Variants in OBI1 observed in about 807,000 individuals in gnomAD.
OBI1 encodes ORC ubiquitin ligase 1, also known as ring finger protein 219.
Under a neutral mutation model 62.4 loss-of-function variants are expected in OBI1, and 59 were observed. The ratio of observed to expected loss-of-function variants is 0.95; its 90% CI spans 0.77 to 1.17. The LOEUF is 1.17. Ranked by LOEUF, OBI1 falls within the 50% of genes most tolerant of loss-of-function variation. The pLI is 0.00. For synonymous variants in OBI1, 302 were observed against 292.8 expected (o/e 1.03, Z -0.32); for missense variants, 875 against 830.9 (o/e 1.05, Z -0.65).
At chr13:78,649,170 A>G (rs1431210038) in intron 1 of OBI1, among the ~76,000 whole-genome samples, 1 of 152,224 alleles carries the variant, frequency 6.6e-6, no homozygotes, top group East Asian at 1.9e-4. Context: ...AGTCACTGCC[A>G]TAAAAGACAT....
At chr13:78,626,157 T>G (rs1487036031) in intron 5 of OBI1, among the ~76,000 whole-genome samples, 2 of 152,206 alleles carry the variant, frequency 1.3e-5, no homozygotes, top group Non-Finnish European at 2.9e-5. Flanking sequence ...TTTCTCTTTC[T>G]AACTCTGAAT....
chr13:78,617,100 C>A lies in OBI1; in HGVS notation c.661G>T (p.Ala221Ser). The part of the protein sequence containing the change: ...PQKFGRFAVA[A>S]LQSKVEQYER... ...TACTGTTCTACTTTGGACTGAAGAG[C>A]AGCAACTGCAAACCTTCCAAACCTA... is the stretch of plus-strand genomic sequence containing the variant. Residue 221 changes from alanine (A) to serine (S), a missense_variant, in exon 6 of 6, where the codon GCT becomes TCT. Coordinates refer to ENST00000282003, the MANE Select transcript of OBI1 (RefSeq NM_024546.4). 1 of 1,562,602 alleles carries A rather than the reference C, an allele frequency of 6.4e-7. No homozygotes were observed. The highest frequency in any genetic ancestry group is 8.6e-7 in the Non-Finnish European group (1 of 1,157,568).
chr13:78,637,397 T>C (rs1311625978), intron 4 of OBI1, among the ~76,000 whole-genome samples: 1 of 152,250 alleles, frequency 6.6e-6, no homozygotes, highest in Middle Eastern at 3.2e-3. Flanking sequence ...CTTTGAGTAT[T>C]GAATTTAACA....
chr13:78,617,447 G>T, intron 5 of OBI1: 1 of 215,710 alleles, frequency 4.6e-6, no homozygotes, highest in Non-Finnish European at 9.2e-6. Context: ...TGCATGAAGA[G>T]TTATCCCCTA....
intron 5 of OBI1, among the ~76,000 whole-genome samples, chr13:78,625,003 T>C (rs1875624746): frequency 6.6e-6 from 1 of 152,194 alleles, no homozygotes; most frequent in Non-Finnish European, 1.5e-5. Flanking sequence ...GACTACTCTT[T>C]TTACTGTGGA....
intron 3 of OBI1, among the ~76,000 whole-genome samples, chr13:78,641,522 G>A (rs1034442379): frequency 3.3e-5 from 5 of 152,102 alleles, no homozygotes; most frequent in African/African-American, 1.2e-4. Flanking sequence ...AAAAGTGTAT[G>A]TATTCTATTA....
chr13:78,636,658 A>T (rs143936370), intron 4 of OBI1, among the ~76,000 whole-genome samples: 22 of 152,296 alleles, frequency 1.4e-4, no homozygotes, highest in Non-Finnish European at 1.3e-4. Flanking sequence ...ATGAATGCAC[A>T]CCAACCAGGA....
At chr13:78,639,911 G>A (rs1173338672) in intron 3 of OBI1, among the ~76,000 whole-genome samples, 2 of 149,544 alleles carry the variant, frequency 1.3e-5, no homozygotes, top group Non-Finnish European at 3.0e-5. Context: ...GTTAGTGGGT[G>A]CAGCGCACCA....
At chr13:78,650,846 C>T (rs1172088233) in intron 1 of OBI1, among the ~76,000 whole-genome samples, 1 of 152,050 alleles carries the variant, frequency 6.6e-6, no homozygotes, top group Non-Finnish European at 1.5e-5. Flanking sequence ...CTCCACTACA[C>T]ACTTGCTCCT....
intron 1 of OBI1, among the ~76,000 whole-genome samples, chr13:78,655,385 G>A (rs1876670520): frequency 6.6e-6 from 1 of 152,080 alleles, no homozygotes; most frequent in Non-Finnish European, 1.5e-5. Context: ...AATATGTTAT[G>A]CGTAAATCAT....
intron 4 of OBI1, among the ~76,000 whole-genome samples, chr13:78,637,495 C>CA (rs1284931190): frequency 6.6e-6 from 1 of 152,174 alleles, no homozygotes; most frequent in Non-Finnish European, 1.5e-5. Context: ...TTATAAGCCT[C>CA]ATGTTCTAAG....
chr13:78,650,444 T>C (rs1237995926), intron 1 of OBI1, among the ~76,000 whole-genome samples: 1 of 152,242 alleles, frequency 6.6e-6, no homozygotes, highest in Non-Finnish European at 1.5e-5. Flanking sequence ...TGATGTGTTC[T>C]ATTTTCTCTC....
Position 78,615,271 on chromosome 13 carries a change from A to C in OBI1, c.*309T>G, listed in dbSNP as rs915102440. 8.3e-6 allele frequency: 2 copies of C among 241,956 alleles called. No individual in the cohort carries two copies. The highest frequency in any genetic ancestry group is 1.6e-5 in the Non-Finnish European group (2 of 126,236). The allele number at this position is 241,956 out of a possible 1,614,324, so 15.0% of individuals were successfully genotyped here. ...AACAATGTATATCCAACCGAGATACATATCAAATTCAGTAAAAAAACAAAA... is the reference window on the plus strand; with the variant it reads ...AACAATGTATATCCAACCGAGATACCTATCAAATTCAGTAAAAAAACAAAA... On this transcript the variant is annotated 3_prime_UTR_variant, in exon 6 of 6. Coordinates refer to ENST00000282003, the MANE Select transcript of OBI1 (RefSeq NM_024546.4).
intron 5 of OBI1, among the ~76,000 whole-genome samples, chr13:78,629,903 T>C (rs1875794766): frequency 6.6e-6 from 1 of 152,126 alleles, no homozygotes; most frequent in Non-Finnish European, 1.5e-5. Context: ...ACATGGACTT[T>C]TGCTCTGGTA....
chr13:78,656,729 T>TGGGGGGG (rs397851744), intron 1 of OBI1, among the ~76,000 whole-genome samples: 5 of 20,576 alleles, frequency 2.4e-4, no homozygotes, highest in Admixed American at 7.7e-4. Flanking sequence ...CCATGGTACC[T>TGGGGGGG]GGGGGGGGGG....
At chr13:78,645,206 G>C (rs1194836014) in intron 1 of OBI1, among the ~76,000 whole-genome samples, 2 of 151,716 alleles carry the variant, frequency 1.3e-5, no homozygotes, top group Non-Finnish European at 2.9e-5. Flanking sequence ...CTGGATCATG[G>C]AGACTGAAGC....
chr13:78,647,778 GC>G (rs1171992223), intron 1 of OBI1, among the ~76,000 whole-genome samples: 1 of 152,096 alleles, frequency 6.6e-6, no homozygotes, highest in Non-Finnish European at 1.5e-5. Flanking sequence ...GGAGGGGCTG[GC>G]CCCCTTCAAT....
intron 1 of OBI1, among the ~76,000 whole-genome samples, chr13:78,648,085 T>A (rs1876436839): frequency 6.6e-6 from 1 of 151,898 alleles, no homozygotes; most frequent in South Asian, 2.1e-4. Flanking sequence ...CTGGTCAGAG[T>A]CTCAAATGGC....
intron 3 of OBI1, among the ~76,000 whole-genome samples, chr13:78,639,658 A>G (rs960883160): frequency 6.8e-6 from 1 of 148,092 alleles, no homozygotes; most frequent in Non-Finnish European, 1.5e-5. Context: ...AATACTATGC[A>G]GCCATAAAAA....
Sources: allele counts gnomAD v4.1 joint callset (sites outside exome capture counted in the v4.1 genomes callset), GRCh38; gene constraint gnomAD v4.1.1; transcripts MANE v1.5; gene names NCBI Gene and HGNC (gene_info 2026-07-23, HGNC 2026-07-21).